The following LRRC4C variants were observed in gnomAD, a reference collection of about 807,000 sequenced individuals.
LRRC4C encodes the protein leucine rich repeat containing 4C, also known as leucine-rich repeat-containing protein 4C.
In LRRC4C, 5 loss-of-function variants were observed where a neutral mutation model predicts 33.6. The observed-to-expected ratio is 0.15, with a 90% CI of 0.08 to 0.31. The LOEUF is 0.31. Ranked by LOEUF, LRRC4C falls within the 10% of genes least tolerant of loss-of-function variation. The pLI is 1.00. For missense variants in LRRC4C, 560 were observed against 796.7 expected (o/e 0.70, Z 3.58); for synonymous variants, 329 against 302.0 (o/e 1.09, Z -0.93).
At chr11:41,335,716 A>C (rs1951431732) in intron 1 of LRRC4C, among the ~76,000 whole-genome samples, 1 of 152,218 alleles carries the variant, frequency 6.6e-6, no homozygotes, top group African/African-American at 2.4e-5. Context: ...TTGTATAGCA[A>C]ATGAATGAAT....
At chr11:41,161,474 G>C (rs1297517988) in intron 1 of LRRC4C, among the ~76,000 whole-genome samples, 1 of 152,060 alleles carries the variant, frequency 6.6e-6, no homozygotes, top group Non-Finnish European at 1.5e-5. Flanking sequence ...ACCTTTGTCT[G>C]GTCTTGGGGG....
intron 1 of LRRC4C, among the ~76,000 whole-genome samples, chr11:41,451,623 A>AC (rs1956028967): frequency 6.6e-6 from 1 of 152,136 alleles, no homozygotes; most frequent in Admixed American, 6.6e-5. Context: ...AATAGCATCA[A>AC]CCAGATGAAC....
intron 1 of LRRC4C, among the ~76,000 whole-genome samples, chr11:41,005,543 G>T (rs1420706974): frequency 6.6e-6 from 1 of 152,136 alleles, no homozygotes; most frequent in African/African-American, 2.4e-5. Context: ...GGTGGAGGTT[G>T]CAGTGAGCCG....
intron 5 of LRRC4C, among the ~76,000 whole-genome samples, chr11:40,216,866 C>T (rs184026478): frequency 2.6e-5 from 4 of 152,246 alleles, no homozygotes; most frequent in African/African-American, 9.6e-5. Context: ...AATGCCAAGT[C>T]AATCTTTTTG....
At chr11:40,501,027 CA>C (rs1489507502) in intron 3 of LRRC4C, among the ~76,000 whole-genome samples, 1 of 152,114 alleles carries the variant, frequency 6.6e-6, no homozygotes, top group Non-Finnish European at 1.5e-5. Flanking sequence ...GGCCAAAATA[CA>C]GAGGCTACAG....
At chr11:40,212,055 A>G (rs956223276) in intron 5 of LRRC4C, among the ~76,000 whole-genome samples, 3 of 152,164 alleles carry the variant, frequency 2.0e-5, no homozygotes, top group Non-Finnish European at 2.9e-5. Flanking sequence ...GTTTATATAC[A>G]TTGAAGTAAA....
At chr11:40,633,762 A>T (rs1297546539) in intron 3 of LRRC4C, among the ~76,000 whole-genome samples, 1 of 152,280 alleles carries the variant, frequency 6.6e-6, no homozygotes, top group African/African-American at 2.4e-5. Context: ...GAAATAGGCC[A>T]ATAATGTACA....
At chr11:41,022,173 T>A (rs1359050521) in intron 1 of LRRC4C, among the ~76,000 whole-genome samples, 2 of 148,784 alleles carry the variant, frequency 1.3e-5, no homozygotes, top group Non-Finnish European at 3.0e-5. Flanking sequence ...TATGTATATA[T>A]CTACTGACAG....
rs1555147355 is a variant in LRRC4C, at chr11:40,696,041, A to ATATG, written c.-406-47764_-406-47763insCATA. Among the ~76,000 whole-genome samples, 16 of 143,982 alleles carry ATATG rather than the reference A, an allele frequency of 1.1e-4. No homozygotes were observed. In the South Asian group the frequency reaches 2.2e-3, roughly 20 times the overall value. The allele number at this position is 143,982 out of a possible 152,430, so 94.5% of individuals were successfully genotyped here. On this transcript the variant is annotated intron_variant, in intron 2 of 6. Transcript: ENST00000528697. The stretch of plus-strand genomic sequence containing the variant: ...ATGTGGTGTGTGTGTGTATATATAT[A>ATATG]TGTGTGTGTGTGTGTGTGTATATAT...
intron 1 of LRRC4C, among the ~76,000 whole-genome samples, chr11:41,445,417 C>T (rs893700446): frequency 1.3e-5 from 2 of 152,076 alleles, no homozygotes; most frequent in African/African-American, 4.8e-5. Flanking sequence ...CCCCCACCCA[C>T]GTGAGATAGC....
chr11:40,584,106 T>C (rs1716475264), intron 3 of LRRC4C, among the ~76,000 whole-genome samples: 1 of 148,464 alleles, frequency 6.7e-6, no homozygotes, highest in Admixed American at 6.8e-5. Flanking sequence ...TGGAGCAGGT[T>C]TTCTCAACCT....
At chr11:40,479,340 G>T (rs1953418307) in intron 3 of LRRC4C, among the ~76,000 whole-genome samples, 1 of 152,044 alleles carries the variant, frequency 6.6e-6, no homozygotes, top group Admixed American at 6.6e-5. Context: ...CTGTGTACTG[G>T]GTTCTCTTTT....
intron 3 of LRRC4C, among the ~76,000 whole-genome samples, chr11:40,512,767 C>T (rs1955382368): frequency 6.6e-6 from 1 of 152,122 alleles, no homozygotes; most frequent in Admixed American, 6.6e-5. Flanking sequence ...AATCAAGTCA[C>T]TTTATCAAAA....
At chr11:40,517,748 A>G (rs1955628575) in intron 3 of LRRC4C, among the ~76,000 whole-genome samples, 1 of 151,862 alleles carries the variant, frequency 6.6e-6, no homozygotes, top group African/African-American at 2.4e-5. Context: ...TGGGGGGAAA[A>G]AAAAAAAACT....
chr11:41,425,912 C>T (rs1370907456), intron 1 of LRRC4C, among the ~76,000 whole-genome samples: 1 of 152,160 alleles, frequency 6.6e-6, no homozygotes, highest in South Asian at 2.1e-4. Flanking sequence ...TTAGATAGAG[C>T]CCAATTTTTT....
At chr11:40,736,855 C>A (rs567119332) in intron 2 of LRRC4C, among the ~76,000 whole-genome samples, 4 of 87,202 alleles carry the variant, frequency 4.6e-5, no homozygotes, top group Non-Finnish European at 6.8e-5. Context: ...CTTTTTGATG[C>A]GGTTGTTTTT....
chr11:40,519,791 A>G (rs1382680599), intron 3 of LRRC4C, among the ~76,000 whole-genome samples: 1 of 152,184 alleles, frequency 6.6e-6, no homozygotes, highest in Non-Finnish European at 1.5e-5. Context: ...GTTGATTCCA[A>G]TCCTTATAGA....
At chr11:41,019,497 G>A (rs1855812172) in intron 1 of LRRC4C, among the ~76,000 whole-genome samples, 1 of 152,016 alleles carries the variant, frequency 6.6e-6, no homozygotes, top group Non-Finnish European at 1.5e-5. Flanking sequence ...GCATGTGTCT[G>A]TAGAGTAGAA....
At chr11:40,341,998 C>CA (rs55668275) in intron 3 of LRRC4C, among the ~76,000 whole-genome samples, 77,571 of 142,010 alleles carry the variant, frequency 0.55, 20,756 homozygotes, top group East Asian at 0.84. Flanking sequence ...GCACTTTTCT[C>CA]AAAAAAAAAA....
Sources: gnomAD v4.1 joint callset for allele counts (sites outside exome capture counted in the v4.1 genomes callset) on GRCh38, gnomAD v4.1.1 for gene constraint, MANE v1.5 for transcripts, NCBI Gene and HGNC (gene_info 2026-07-23, HGNC 2026-07-21) for gene names.